Variants in UNC5D observed in about 807,000 individuals in gnomAD.
UNC5D encodes the protein netrin receptor UNC5D.
Under a neutral mutation model 105.4 loss-of-function variants are expected in UNC5D, and 39 were observed. The ratio of observed to expected loss-of-function variants is 0.37; its 90% confidence interval spans 0.29 to 0.48. The LOEUF is 0.48. UNC5D is among the 20% of genes least tolerant of loss of function. The pLI is 0.98. For synonymous variants in UNC5D, 452 were observed against 450.4 expected, an observed-to-expected ratio of 1.00 and a Z score of -0.04; for missense variants, 991 against 1,202.4, an observed-to-expected ratio of 0.82 and a Z score of 2.60.
chr8:35,472,664 C>T (rs551957711), intron 1 of UNC5D, among the ~76,000 whole-genome samples: 16 of 152,074 alleles, frequency 1.1e-4, no homozygotes, highest in Admixed American at 8.5e-4. Context: ...AAAATTAAAG[C>T]GAGAAAATAC....
intron 1 of UNC5D, among the ~76,000 whole-genome samples, chr8:35,416,124 G>A (rs912317202): frequency 6.6e-6 from 1 of 152,010 alleles, no homozygotes; most frequent in African/African-American, 2.4e-5. Flanking sequence ...TGCATTGTAT[G>A]CCTGTATCAA....
chr8:35,623,920 GATACAAAAA>G (rs1021031298), intron 4 of UNC5D, among the ~76,000 whole-genome samples: 1 of 151,814 alleles, frequency 6.6e-6, no homozygotes, highest in African/African-American at 2.4e-5. Flanking sequence ...CTCTACTAAA[GATACAAAAA>G]ATTAGCCGGA....
chr8:35,242,210 C>T (rs1216815729), intron 1 of UNC5D, among the ~76,000 whole-genome samples: 1 of 152,080 alleles, frequency 6.6e-6, no homozygotes, highest in African/African-American at 2.4e-5. Flanking sequence ...ACTGTAACCA[C>T]GTGGGATTTG....
chr8:35,323,747 A>G (rs1056940087), intron 1 of UNC5D, among the ~76,000 whole-genome samples: 1 of 152,178 alleles, frequency 6.6e-6, no homozygotes, highest in Non-Finnish European at 1.5e-5. Context: ...GGTGCTACTA[A>G]GTGGTGGAGC....
At chr8:35,290,792 C>T (rs1186722754) in intron 1 of UNC5D, among the ~76,000 whole-genome samples, 1 of 151,640 alleles carries the variant, frequency 6.6e-6, no homozygotes, top group African/African-American at 2.4e-5. Flanking sequence ...CTACTAAAAA[C>T]ACAAAATTAG....
At chr8:35,434,002 T>C (rs1806833330) in intron 1 of UNC5D, among the ~76,000 whole-genome samples, 1 of 152,258 alleles carries the variant, frequency 6.6e-6, no homozygotes, top group Admixed American at 6.5e-5. Flanking sequence ...ATTCTATGAT[T>C]CTCACCTTAT....
At chr8:35,370,259 C>A (rs529859555) in intron 1 of UNC5D, among the ~76,000 whole-genome samples, 9 of 152,236 alleles carry the variant, frequency 5.9e-5, no homozygotes, top group Admixed American at 4.6e-4. Flanking sequence ...TCAAGAAAAG[C>A]TTGGGTGCTC....
intron 4 of UNC5D, among the ~76,000 whole-genome samples, chr8:35,641,365 GC>G (rs1189961202): frequency 1.5e-4 from 3 of 19,874 alleles, no homozygotes; most frequent in Non-Finnish European, 3.2e-4. Flanking sequence ...AAAAAATAAA[GC>G]AAAAAAAAAA....
At chr8:35,696,171 T>C (rs1826761198) in intron 7 of UNC5D, among the ~76,000 whole-genome samples, 1 of 152,170 alleles carries the variant, frequency 6.6e-6, no homozygotes, top group African/African-American at 2.4e-5. Flanking sequence ...ATTACTGTTC[T>C]GTTGTGAACC....
chr8:35,450,851 G>A (rs1438019456), intron 1 of UNC5D, among the ~76,000 whole-genome samples: 1 of 152,002 alleles, frequency 6.6e-6, no homozygotes, highest in East Asian at 1.9e-4. Flanking sequence ...TTATAAAACA[G>A]GATTTTTGTT....
chr8:35,695,296 G>A (rs1826681668), intron 7 of UNC5D, among the ~76,000 whole-genome samples: 1 of 152,086 alleles, frequency 6.6e-6, no homozygotes, highest in African/African-American at 2.4e-5. Context: ...GTCCTGAGAA[G>A]GTGACAGACC....
At chr8:35,728,889 G>T (rs887889939) in intron 10 of UNC5D, among the ~76,000 whole-genome samples, 1 of 152,128 alleles carries the variant, frequency 6.6e-6, no homozygotes, top group South Asian at 2.1e-4. Flanking sequence ...AGAGGTAACT[G>T]GCCAATGACA....
At chr8:35,269,714 G>A (rs1366491293) in intron 1 of UNC5D, among the ~76,000 whole-genome samples, 1 of 152,106 alleles carries the variant, frequency 6.6e-6, no homozygotes, top group Non-Finnish European at 1.5e-5. Context: ...TCGCCGGTTT[G>A]GGTATGAGAT....
intron 1 of UNC5D, among the ~76,000 whole-genome samples, chr8:35,450,735 G>A (rs1202330199): frequency 6.6e-6 from 1 of 152,150 alleles, no homozygotes; most frequent in African/African-American, 2.4e-5. Flanking sequence ...ACAATGTTGT[G>A]AAAATGATAC....
chr8:35,537,659 A>C (rs1814934571), intron 1 of UNC5D, among the ~76,000 whole-genome samples: 1 of 151,968 alleles, frequency 6.6e-6, no homozygotes, highest in Non-Finnish European at 1.5e-5. Flanking sequence ...CAGCCTGGAA[A>C]AGATCTTGTC....
intron 4 of UNC5D, among the ~76,000 whole-genome samples, chr8:35,660,732 C>A (rs187276399): frequency 1.4e-4 from 22 of 152,246 alleles, no homozygotes; most frequent in Admixed American, 3.9e-4. Context: ...TAGGTAGAGT[C>A]CCTCCCCTTG....
intron 15 of UNC5D, among the ~76,000 whole-genome samples, chr8:35,769,944 C>T (rs553565787): frequency 6.6e-6 from 1 of 152,240 alleles, no homozygotes; most frequent in East Asian, 1.9e-4. Context: ...GCCTGGGTGA[C>T]AGAGACTCTG....
intron 1 of UNC5D, among the ~76,000 whole-genome samples, chr8:35,467,750 A>C (rs560176248): frequency 6.6e-6 from 1 of 152,140 alleles, no homozygotes; most frequent in African/African-American, 2.4e-5. Flanking sequence ...GGTGGAGGGA[A>C]TAGAACTCAT....
chr8:35,633,439 T>C (rs1822166851), intron 4 of UNC5D, among the ~76,000 whole-genome samples: 1 of 151,832 alleles, frequency 6.6e-6, no homozygotes, highest in African/African-American at 2.4e-5. Context: ...TATGTGAGAT[T>C]TTTTTTTAAA....
Sources: gnomAD v4.1 joint callset for allele counts (sites outside exome capture counted in the v4.1 genomes callset) on GRCh38, gnomAD v4.1.1 for gene constraint, MANE v1.5 for transcripts, NCBI Gene and HGNC (gene_info 2026-07-23, HGNC 2026-07-21) for gene names.